The following MVB12B variants were observed in gnomAD, a reference collection of about 807,000 sequenced individuals.
MVB12B encodes the protein multivesicular body subunit 12B.
Under a neutral mutation model 41.6 loss-of-function variants are expected in MVB12B, and 16 were observed. That is an observed-to-expected ratio of 0.38 (90% confidence interval 0.26 to 0.58). The LOEUF (loss-of-function observed/expected upper bound fraction) is 0.58, where lower values mean the gene tolerates loss of function less well. MVB12B is among the 20% of genes least tolerant of loss of function. MVB12B has a pLI of 0.62. For missense variants in MVB12B, 274 were observed against 380.2 expected (o/e 0.72, Z 2.32); for synonymous variants, 133 against 139.7 (o/e 0.95, Z 0.34).
In MVB12B at chr9:126,455,868, T is replaced by A. The variant is rs115994400; in HGVS notation, c.758-25501T>A. Among the ~76,000 whole-genome samples the A allele has an allele frequency of 5.0e-3, 744 of 150,024 alleles. 13 individuals are homozygous for A. Among genetic ancestry groups the A allele is most frequent in the African/African-American group, 0.018 (716 of 40,674 alleles). On this transcript the variant is annotated intron_variant, in intron 7 of 9. Transcript: ENST00000361171. Reference sequence around the variant, plus strand: ...TTCTAAGACAATAAACTTTGATAGGTCGTTTTCTTTCTTTCTTTCTTTTTT... The same window carrying A: ...TTCTAAGACAATAAACTTTGATAGGACGTTTTCTTTCTTTCTTTCTTTTTT...
intron 1 of MVB12B, among the ~76,000 whole-genome samples, chr9:126,332,529 C>A (rs998724803): frequency 1.3e-5 from 2 of 152,200 alleles, no homozygotes; most frequent in East Asian, 3.9e-4. Context: ...AAATCTGGAA[C>A]TCCCTGGAAG....
intron 7 of MVB12B, among the ~76,000 whole-genome samples, chr9:126,466,477 G>C (rs1833200974): frequency 6.6e-6 from 1 of 152,180 alleles, no homozygotes; most frequent in South Asian, 2.1e-4. Flanking sequence ...CTTGATGAGA[G>C]AAATGACAAA....
chr9:126,474,492 TGAGAG>T (rs1833382605), intron 7 of MVB12B, among the ~76,000 whole-genome samples: 1 of 152,148 alleles, frequency 6.6e-6, no homozygotes, highest in African/African-American at 2.4e-5. Context: ...GCTGCCCAGA[TGAGAG>T]GAGACATGGA....
At chr9:126,492,697 C>A (rs1420930472) in intron 9 of MVB12B, among the ~76,000 whole-genome samples, 1 of 152,146 alleles carries the variant, frequency 6.6e-6, no homozygotes, top group Non-Finnish European at 1.5e-5. Context: ...AAAAATTATC[C>A]AGGCACAGTG....
Position 126,392,018 on chromosome 9 carries a change from C to T in MVB12B, c.410-48C>T. ...GGATGTGGTTTTCAGAATAGAGATT[C>T]TGGTATCTCTGGAAAACTCATACCT... is the stretch of plus-strand genomic sequence containing the variant. On this transcript the variant is annotated intron_variant, in intron 4 of 9. Coordinates refer to ENST00000361171, the MANE Select transcript of MVB12B (RefSeq NM_033446.3). This position sits in a 1 kb window ranked among gnomAD's most constrained non-coding sequence, Gnocchi z 4.8. The T allele has an allele frequency of 6.2e-7, 1 of 1,608,838 alleles. No individual in the cohort carries two copies. Among genetic ancestry groups the T allele is most frequent in the South Asian group, 1.1e-5 (1 of 90,850 alleles).
chr9:126,487,584 A>G (rs2119215123), intron 9 of MVB12B, among the ~76,000 whole-genome samples: 1 of 152,260 alleles, frequency 6.6e-6, no homozygotes, highest in East Asian at 1.9e-4. Context: ...ACATGGTAAA[A>G]CTTTGTCTCT....
intron 7 of MVB12B, among the ~76,000 whole-genome samples, chr9:126,427,283 T>A (rs59575723): frequency 0.019 from 2,840 of 152,288 alleles, 69 homozygotes; most frequent in African/African-American, 0.057. Context: ...TTGAGTGAGA[T>A]GTTTCTTAAG....
intron 1 of MVB12B, among the ~76,000 whole-genome samples, chr9:126,329,390 A>G (rs1829066545): frequency 6.6e-6 from 1 of 152,232 alleles, no homozygotes; most frequent in Non-Finnish European, 1.5e-5. Flanking sequence ...CCAGCAGCAG[A>G]TCATGGTGTT....
At chr9:126,437,125 G>A (rs1252144735) in intron 7 of MVB12B, among the ~76,000 whole-genome samples, 1 of 152,142 alleles carries the variant, frequency 6.6e-6, no homozygotes, top group Non-Finnish European at 1.5e-5. Flanking sequence ...CCTTCCCATT[G>A]TTTTAGGGTG....
intron 3 of MVB12B, among the ~76,000 whole-genome samples, chr9:126,383,840 C>T (rs1175322207): frequency 6.6e-6 from 1 of 151,830 alleles, no homozygotes; most frequent in Non-Finnish European, 1.5e-5. Flanking sequence ...TGTATGCATG[C>T]AAGGGTTTTT....
intron 6 of MVB12B, among the ~76,000 whole-genome samples, chr9:126,406,768 T>C (rs1377781103): frequency 1.3e-5 from 2 of 152,198 alleles, no homozygotes; most frequent in African/African-American, 4.8e-5. Context: ...AACTTAAATG[T>C]AGTGAATAAA....
chr9:126,356,533 A>G (rs1829885263), intron 2 of MVB12B, among the ~76,000 whole-genome samples: 1 of 152,120 alleles, frequency 6.6e-6, no homozygotes, highest in Non-Finnish European at 1.5e-5. Context: ...TGTCTGGGAC[A>G]CCATCATCAC....
At chr9:126,404,994 G>A (rs1290395339) in intron 6 of MVB12B, among the ~76,000 whole-genome samples, 1 of 152,198 alleles carries the variant, frequency 6.6e-6, no homozygotes, top group African/African-American at 2.4e-5. Flanking sequence ...TATGAATGAT[G>A]AGTTTAGGCT....
chr9:126,375,769 A>G (rs1200054253), intron 2 of MVB12B, among the ~76,000 whole-genome samples: 1 of 152,148 alleles, frequency 6.6e-6, no homozygotes, highest in Non-Finnish European at 1.5e-5. Flanking sequence ...ATGGGCTTAG[A>G]TGTGGAATTC....
chr9:126,485,858 G>T (rs1012729886), intron 9 of MVB12B, among the ~76,000 whole-genome samples: 6 of 152,172 alleles, frequency 3.9e-5, no homozygotes, highest in Admixed American at 2.6e-4. Context: ...AGACAGCACG[G>T]GGTGTGTGGC....
At chr9:126,410,192 C>T (rs1044392102) in intron 6 of MVB12B, among the ~76,000 whole-genome samples, 1 of 151,294 alleles carries the variant, frequency 6.6e-6, no homozygotes, top group Admixed American at 6.6e-5. Flanking sequence ...CACGCGCATG[C>T]ATGCATGTGT....
At chr9:126,335,328 C>T (rs1829243542) in intron 1 of MVB12B, 1 of 1,304,072 alleles carries the variant, frequency 7.7e-7, no homozygotes, top group East Asian at 5.5e-5. Context: ...CACTGTCCCC[C>T]ACGGGTGGCC....
chr9:126,347,879 G>T (rs927236940), intron 2 of MVB12B, among the ~76,000 whole-genome samples: 28 of 152,226 alleles, frequency 1.8e-4, no homozygotes. Context: ...AGCTGTGGTG[G>T]GGGGCCTTTC....
rs1828986029 is a variant in MVB12B, at chr9:126,326,957, A to T, written c.28A>T (p.Ser10Cys). 3.9e-6 allele frequency: 1 copy of T among 259,560 alleles called. No homozygotes were observed. Among genetic ancestry groups the T allele is most frequent in the Non-Finnish European group, 7.7e-6 (1 of 129,046 alleles). The allele number at this position is 259,560 out of a possible 1,614,324, so 16.1% of individuals were successfully genotyped here. Residue 10 changes from serine (S) to cysteine (C), a missense_variant, in exon 1 of 10, where the codon AGC (serine) becomes TGC (cysteine). Transcript: ENST00000361171. Reference protein sequence around the residue: MRSCFCVRRSRDPPPPQPPP... With the variant: MRSCFCVRRCRDPPPPQPPP... ...GAGAAGCTGCTTCTGCGTGAGACGG[A>T]GCCGGGACCCGCCGCCGCCGCAGCC...
Sources: allele counts gnomAD v4.1 joint callset (sites outside exome capture counted in the v4.1 genomes callset), GRCh38; gene constraint gnomAD v4.1.1; non-coding constraint Gnocchi (gnomAD v3.1); transcripts MANE v1.5; gene names NCBI Gene and HGNC (gene_info 2026-07-23, HGNC 2026-07-21).